SDE2: variants seen among roughly 807,000 people sequenced by gnomAD.
SDE2 encodes spliceosome associated SDE2.
In SDE2, 31 loss-of-function variants were observed where a neutral mutation model predicts 46.9. The ratio of observed to expected loss-of-function variants is 0.66; its 90% CI spans 0.50 to 0.89. The LOEUF (loss-of-function observed/expected upper bound fraction) is 0.89. SDE2 is among the 40% of genes least tolerant of loss of function. SDE2 has a pLI of 0.00. For missense variants in SDE2, 542 were observed against 564.4 expected, an observed-to-expected ratio of 0.96 and a Z score of 0.40; for synonymous variants, 205 against 204.3, an observed-to-expected ratio of 1.00 and a Z score of -0.03.
chr1:225,993,836 C>T (rs953213521), intron 2 of SDE2, among the ~76,000 whole-genome samples: 1 of 152,018 alleles, frequency 6.6e-6, no homozygotes, highest in Non-Finnish European at 1.5e-5. Context: ...TTGATGTAAT[C>T]AAAGCTCACT....
In SDE2 at chr1:225,984,600, AGAGATC is replaced by A. The variant is rs1656228684; in HGVS notation, c.*696_*701del. 2 of 152,104 alleles carry A rather than the reference AGAGATC, an allele frequency of 1.3e-5. No individual in the cohort carries two copies. The highest frequency in any genetic ancestry group is 4.1e-4 in the South Asian group (2 of 4,826). 9.4% of individuals were successfully genotyped at this position (152,104 alleles called of 1,614,324 possible). A position where few individuals can be genotyped will look rare whatever the true frequency, so the allele number is the denominator to read the frequency against. On this transcript the variant is annotated 3_prime_UTR_variant, in exon 7 of 7. Coordinates refer to ENST00000272091, the MANE Select transcript of SDE2 (RefSeq NM_152608.4). The stretch of plus-strand genomic sequence containing the variant: ...CTGAGGCGGGTGGACCACGAGGTAA[AGAGATC>A]GAGACCATCCTGGCTAACACAGTGA...
In SDE2 at chr1:225,992,935, C is replaced by T; in HGVS notation, c.306G>A (p.Arg102=). The change falls in exon 3 of 7, where the codon CGG becomes CGA. Residue 102 remains arginine, a synonymous_variant. Coordinates refer to ENST00000272091, the MANE Select transcript of SDE2 (RefSeq NM_152608.4). ...IEKTTNREAC[R]DLSGRRLRDV... is the part of the protein sequence containing the mutation. Reference sequence around the variant, plus strand: ...CGCGTAGTCTCCTTCCACTGAGATCCCGACAAGCTTCTCGATTGGTTGTCT... The same window carrying T: ...CGCGTAGTCTCCTTCCACTGAGATCTCGACAAGCTTCTCGATTGGTTGTCT... 6.2e-7 allele frequency: 1 copy of T among 1,613,490 alleles called. No homozygotes were observed. The highest frequency in any genetic ancestry group is 8.5e-7 in the Non-Finnish European group (1 of 1,179,496).
intron 5 of SDE2, among the ~76,000 whole-genome samples, chr1:225,990,035 A>G (rs1245620056): frequency 1.3e-5 from 2 of 151,736 alleles, no homozygotes; most frequent in Non-Finnish European, 2.9e-5. Flanking sequence ...AGATCGCGCC[A>G]CTGCACTCCA....
rs1226592078 is a variant in SDE2 at position 225,983,108 on chromosome 1, T to G, written c.*2194A>C. The stretch of plus-strand genomic sequence containing the variant: ...ATTTAATGTTAAACTTATTAAAAGA[T>G]ACAGAGAGAACAGATAAAAATGCAA... On this transcript the variant is annotated 3_prime_UTR_variant, in exon 7 of 7. Transcript: ENST00000272091. 6.6e-6 allele frequency: 1 copy of G among 152,170 alleles called. No individual in the cohort carries two copies. Among genetic ancestry groups the G allele is most frequent in the Non-Finnish European group, 1.5e-5 (1 of 68,020 alleles). 9.4% of individuals were successfully genotyped at this position (152,170 alleles called of 1,614,324 possible). A position where few individuals can be genotyped will look rare whatever the true frequency, so the allele number is the denominator to read the frequency against.
chr1:225,985,067 G>T lies in SDE2; in HGVS notation c.*235C>A. On this transcript the variant is annotated 3_prime_UTR_variant, in exon 7 of 7. Coordinates refer to ENST00000272091, the MANE Select transcript of SDE2 (RefSeq NM_152608.4). ...TGACACCAAGATCAAACCAAAAAAT[G>T]TGAATAGCCCTATATTTATTAAATA... The T allele has an allele frequency of 2.0e-6, 1 of 488,990 alleles. No individual in the cohort carries two copies. Among genetic ancestry groups the T allele is most frequent in the Non-Finnish European group, 3.6e-6 (1 of 276,322 alleles). 30.3% of individuals were successfully genotyped at this position (488,990 alleles called of 1,614,324 possible). A position where few individuals can be genotyped will look rare whatever the true frequency, so the allele number is the denominator to read the frequency against.
chr1:225,995,228 A>G lies in SDE2; in HGVS notation c.238+38T>C, dbSNP rs780410847. The G allele has an allele frequency of 1.1e-5, 11 of 982,420 alleles. No individual in the cohort carries two copies. The Admixed American group carries it at 1.5e-4, about 14-fold the overall frequency. The allele number at this position is 982,420 out of a possible 1,614,324, so 60.9% of individuals were successfully genotyped here. A position where few individuals can be genotyped will look rare whatever the true frequency, so the allele number is the denominator to read the frequency against. On this transcript the variant is annotated intron_variant, in intron 2 of 6. Coordinates refer to ENST00000272091, the MANE Select transcript of SDE2 (RefSeq NM_152608.4). ...TGAAAATAAATGAATAAAGACTGCA[A>G]ATGTGTTACAACTAAGTAGTCAATG...
intron 4 of SDE2, among the ~76,000 whole-genome samples, chr1:225,992,039 C>T (rs367887768): frequency 6.6e-6 from 1 of 152,024 alleles, no homozygotes; most frequent in South Asian, 2.1e-4. Context: ...ATTAGCCAGG[C>T]GTGGTGGCGT....
chr1:225,992,961 TC>T lies in SDE2; in HGVS notation c.279del (p.Lys94ArgfsTer29). 3.7e-6 allele frequency: 6 copies of T among 1,613,016 alleles called. No individual in the cohort carries two copies. The highest frequency in any genetic ancestry group is 5.1e-6 in the Non-Finnish European group (6 of 1,179,012). On this transcript the variant is annotated frameshift_variant, in exon 3 of 7. Transcript: ENST00000272091. LOFTEE classifies it high-confidence loss of function. ...SMLRALGAQI[E>X]KTTNREACRD... ...CGACAAGCTTCTCGATTGGTTGTCT[TC>T]TCAATCTGAGCACCAAGTGCTCGGA...
In SDE2 at chr1:225,992,876, AG is replaced by A. The variant is rs1442522993; in HGVS notation, c.350+14del. 2.1e-6 allele frequency: 3 copies of A among 1,463,048 alleles called. No homozygotes were observed. The highest frequency in any genetic ancestry group is 2.9e-6 in the Non-Finnish European group (3 of 1,043,004). 90.6% of individuals were successfully genotyped at this position (1,463,048 alleles called of 1,614,324 possible). A position where few individuals can be genotyped will look rare whatever the true frequency, so the allele number is the denominator to read the frequency against. ...TGTCTCTCCTCAAAAACACAAAAAA[AG>A]GTGGGCATCTTACGCTTTTTCATGA... On this transcript the variant is annotated intron_variant, in intron 3 of 6. Coordinates refer to ENST00000272091, the MANE Select transcript of SDE2 (RefSeq NM_152608.4).
rs1558082756 is a variant in SDE2 at position 225,985,496 on chromosome 1, A to C, written c.1162T>G (p.Leu388Val). 1 of 1,613,084 alleles carries C rather than the reference A, an allele frequency of 6.2e-7. No homozygotes were observed. ...AGTTCTGCAACAGAGGTGAACGCCA[A>C]TAAATCTATAGTTTCCTTATCAATA... ...AVIDKETIDL[L>V]AFTSVAELEL... is the part of the protein sequence containing the mutation. Residue 388 changes from leucine (L) to valine (V), a missense_variant, in exon 7 of 7, where the codon TTG (leucine) becomes GTG (valine). Transcript: ENST00000272091.
intron 1 of SDE2, among the ~76,000 whole-genome samples, chr1:225,997,514 C>G (rs1656555182): frequency 6.6e-6 from 1 of 152,148 alleles, no homozygotes. Context: ...ACTGCAACCT[C>G]CACCTCTCAG....
At chr1:225,987,650 A>G (rs1656296247) in intron 6 of SDE2, among the ~76,000 whole-genome samples, 1 of 152,232 alleles carries the variant, frequency 6.6e-6, no homozygotes, top group Non-Finnish European at 1.5e-5. Context: ...TAAAATGTGG[A>G]AAACATGCAT....
At position 225,992,400 on chromosome 1, in the gene SDE2, T is replaced by A; in HGVS notation, c.518A>T (p.Lys173Ile). ...CACTAAGGAATCCTCATTCTCACCT[T>A]TGAGGACGGAATCCTCCAGACGCTC... ...MAERLEDSVLKGMQAASSKMV... is the reference protein window; with the variant it reads ...MAERLEDSVLIGMQAASSKMV... The change falls in exon 4 of 7, where the codon AAA (lysine) becomes ATA (isoleucine). Residue 173 changes from lysine to isoleucine, a missense_variant and splice_region_variant. Transcript: ENST00000272091. 1 of 1,612,738 alleles carries A rather than the reference T, an allele frequency of 6.2e-7. No individual in the cohort carries two copies. Among genetic ancestry groups the A allele is most frequent in the Non-Finnish European group, 8.5e-7 (1 of 1,179,386 alleles).
Position 225,999,212 on chromosome 1 carries a change from T to C in SDE2, c.101A>G (p.His34Arg). The change falls in exon 1 of 7, where the codon CAC becomes CGC. Residue 34 changes from histidine to arginine, a missense_variant. Physicochemically the swap from His to Arg is conservative, Grantham distance 29. Coordinates refer to ENST00000272091, the MANE Select transcript of SDE2 (RefSeq NM_152608.4). ...CCTCACCTGATCTTGGCAGTGCCGGTGGATAAAATCCCGGACGGTGCACCG... is the reference window on the plus strand; with the variant it reads ...CCTCACCTGATCTTGGCAGTGCCGGCGGATAAAATCCCGGACGGTGCACCG... The part of the protein sequence containing the change: ...SGRCTVRDFI[H>R]RHCQDQNVPV... 1.9e-6 allele frequency: 3 copies of C among 1,612,732 alleles called. No individual in the cohort carries two copies. The highest frequency in any genetic ancestry group is 1.3e-5 in the African/African-American group (1 of 74,992).
intron 6 of SDE2, among the ~76,000 whole-genome samples, chr1:225,986,817 CCAG>C (rs1656280194): frequency 6.6e-6 from 1 of 152,138 alleles, no homozygotes; most frequent in Non-Finnish European, 1.5e-5. Context: ...AATAGTCTCA[CCAG>C]AAAGGGCAAT....
chr1:225,997,425 A>G (rs1039768876), intron 1 of SDE2, among the ~76,000 whole-genome samples: 3 of 152,010 alleles, frequency 2.0e-5, no homozygotes, highest in East Asian at 3.9e-4. Flanking sequence ...CCACTCATTT[A>G]TATTTCTTTA....
Position 225,983,342 on chromosome 1 carries a change from A to G in SDE2, c.*1960T>C, listed in dbSNP as rs1158359924. Reference sequence around the variant, plus strand: ...AAAATGGTCAATACATTAGGAAGACATAAGTTATTAGAGCTTCATACAAAA... The same window carrying G: ...AAAATGGTCAATACATTAGGAAGACGTAAGTTATTAGAGCTTCATACAAAA... On this transcript the variant is annotated 3_prime_UTR_variant, in exon 7 of 7. Coordinates refer to ENST00000272091, the MANE Select transcript of SDE2 (RefSeq NM_152608.4). 2.0e-5 allele frequency: 3 copies of G among 152,220 alleles called. No homozygotes were observed. The highest frequency in any genetic ancestry group is 6.5e-5 in the Admixed American group (1 of 15,280). 9.4% of individuals were successfully genotyped at this position (152,220 alleles called of 1,614,324 possible). A position where few individuals can be genotyped will look rare whatever the true frequency, so the allele number is the denominator to read the frequency against.
rs901250284 is a variant in SDE2, at chr1:225,985,144, T to C, written c.*158A>G. Reference sequence around the variant, plus strand: ...TTTAAGGCCCAGATGGTTTCAGACATTAATTCTACAGCCCTGACAAGGAAA... The same window carrying C: ...TTTAAGGCCCAGATGGTTTCAGACACTAATTCTACAGCCCTGACAAGGAAA... On this transcript the variant is annotated 3_prime_UTR_variant, in exon 7 of 7. Coordinates refer to ENST00000272091, the MANE Select transcript of SDE2 (RefSeq NM_152608.4). 7 of 619,058 alleles carry C rather than the reference T, an allele frequency of 1.1e-5. No individual in the cohort carries two copies. The highest frequency in any genetic ancestry group is 1.1e-4 in the African/African-American group (6 of 54,156). The allele number at this position is 619,058 out of a possible 1,614,324, so 38.3% of individuals were successfully genotyped here.
At chr1:225,998,470 G>A (rs1160750926) in intron 1 of SDE2, among the ~76,000 whole-genome samples, 1 of 152,212 alleles carries the variant, frequency 6.6e-6, no homozygotes, top group East Asian at 1.9e-4. Flanking sequence ...ATTAAAATTA[G>A]ATTCAGGGAA....
Sources: allele counts gnomAD v4.1 joint callset (sites outside exome capture counted in the v4.1 genomes callset), GRCh38; gene constraint gnomAD v4.1.1; transcripts MANE v1.5; gene names NCBI Gene and HGNC (gene_info 2026-07-23, HGNC 2026-07-21).